BRF1: variants seen among roughly 807,000 people sequenced by gnomAD.
BRF1 encodes the protein BRF1 general transcription factor IIIB subunit, also known as transcription factor IIIB 90 kDa subunit.
BRF1 carries 59 observed loss-of-function variants against 81.7 expected under a neutral mutation model. The observed-to-expected ratio is 0.72, with a 90% CI of 0.59 to 0.90. BRF1 has a LOEUF of 0.90. BRF1 is among the 40% of genes least tolerant of loss of function. The pLI is 0.00. For synonymous variants in BRF1, 491 were observed against 395.6 expected (o/e 1.24, Z -2.86); for missense variants, 1,050 against 936.3 (o/e 1.12, Z -1.58).
intron 14 of BRF1, among the ~76,000 whole-genome samples, chr14:105,218,037 G>C (rs927517761): frequency 2.0e-5 from 3 of 152,204 alleles, no homozygotes; most frequent in Non-Finnish European, 4.4e-5. Context: ...GGTGCTGGCA[G>C]GGCCTCCAGA....
chr14:105,308,036 T>C (rs1190708783), intron 1 of BRF1, among the ~76,000 whole-genome samples: 1 of 150,038 alleles, frequency 6.7e-6, no homozygotes. Flanking sequence ...ATTTAAAAAT[T>C]AGCTGTGCGT....
chr14:105,214,619 G>C (rs1179382272), intron 15 of BRF1, among the ~76,000 whole-genome samples: 1 of 152,010 alleles, frequency 6.6e-6, no homozygotes, highest in Non-Finnish European at 1.5e-5. Context: ...AGGACCAGGG[G>C]CAGGTGGCCA....
intron 11 of BRF1, among the ~76,000 whole-genome samples, chr14:105,220,413 C>T (rs1026269466): frequency 2.6e-5 from 4 of 152,190 alleles, no homozygotes; most frequent in African/African-American, 7.2e-5. Flanking sequence ...TTTTTAAGAA[C>T]AGGAGACAGA....
chr14:105,248,511 T>A (rs587742730), intron 5 of BRF1: 11 of 967,478 alleles, frequency 1.1e-5, no homozygotes, highest in African/African-American at 5.7e-5. Flanking sequence ...GGCAGCGACG[T>A]CGCGCGGGGC....
rs1431352486 is a variant in BRF1, at chr14:105,228,767, T to A, written c.788+53A>T. The A allele has an allele frequency of 3.8e-6, 6 of 1,599,102 alleles. No individual in the cohort carries two copies. The African/African-American group carries it at 6.7e-5, about 18-fold the overall frequency. On this transcript the variant is annotated intron_variant, in intron 7 of 17. Coordinates refer to ENST00000547530, the MANE Select transcript of BRF1 (RefSeq NM_001519.4). ...CCTGCTCTGGCAAGCAGGCCTGAGC[T>A]GGACTGATGAAGCCTCTGTGTGGTC...
At chr14:105,252,270 T>G in intron 5 of BRF1, 1 of 682,724 alleles carries the variant, frequency 1.5e-6, no homozygotes, top group Non-Finnish European at 1.8e-6. Flanking sequence ...AGGCCAGGAG[T>G]TTGAGGCTGC....
chr14:105,284,871 C>T lies in BRF1; in HGVS notation c.265+1425G>A, dbSNP rs1295860684. 4.6e-5 allele frequency among the ~76,000 whole-genome samples: 7 copies of T among 152,078 alleles called. No homozygotes were observed. Among genetic ancestry groups the T allele is most frequent in the Non-Finnish European group, 8.8e-5 (6 of 68,028 alleles). On this transcript the variant is annotated intron_variant, in intron 2 of 17. Transcript: ENST00000547530. This position sits in a 1 kb window ranked among gnomAD's most constrained non-coding sequence, Gnocchi z 4.0. ...CTTGTACCGAAAATCCTAAGTGATC[C>T]GCTAAAAAACTATTCAGCATAAAAA... is the stretch of plus-strand genomic sequence containing the variant.
intron 10 of BRF1, among the ~76,000 whole-genome samples, chr14:105,224,970 G>C (rs1299081198): frequency 1.3e-5 from 2 of 152,242 alleles, no homozygotes; most frequent in Non-Finnish European, 2.9e-5. Flanking sequence ...CTGATCCCCA[G>C]AGAGCAGCTG....
chr14:105,315,242 AC>A lies in BRF1; in HGVS notation c.-162+79del, dbSNP rs1373373129. On this transcript the variant is annotated intron_variant, in intron 1 of 17. Transcript: ENST00000327359. The surrounding 1 kb of genome is among the most constrained non-coding windows in gnomAD (Gnocchi z 4.4). ...GGCCCCAGCCCCCCAGGTCCCGAGC[AC>A]CGGGGGCCGCGCTCAGCTTCCGAGG... The A allele has an allele frequency of 5.6e-6, 1 of 178,022 alleles. No individual in the cohort carries two copies. Among genetic ancestry groups the A allele is most frequent in the African/African-American group, 2.4e-5 (1 of 41,888 alleles). 11.0% of individuals were successfully genotyped at this position (178,022 alleles called of 1,614,324 possible). A position where few individuals can be genotyped will look rare whatever the true frequency, so the allele number is the denominator to read the frequency against.
At chr14:105,226,975 A>C in intron 7 of BRF1, 1 of 560,298 alleles carries the variant, frequency 1.8e-6, no homozygotes, top group Non-Finnish European at 3.0e-6. Context: ...TTAGCCACGC[A>C]TGGTGGTACA....
chr14:105,289,722 G>A (rs1306147935), intron 1 of BRF1, among the ~76,000 whole-genome samples: 5 of 151,974 alleles, frequency 3.3e-5, no homozygotes, highest in African/African-American at 4.8e-5. Flanking sequence ...TGCAACCTCC[G>A]CCTCCCGGAT....
chr14:105,256,717 G>A (rs587646444), intron 3 of BRF1, among the ~76,000 whole-genome samples, 168 bp from the exon 4 acceptor site: 6 of 152,296 alleles, frequency 3.9e-5, no homozygotes, highest in East Asian at 1.9e-4. Flanking sequence ...AGCGAGGCGC[G>A]GCACGCTCAG....
At chr14:105,253,040 C>G (rs768994547) in intron 4 of BRF1, among the ~76,000 whole-genome samples, 2 of 152,254 alleles carry the variant, frequency 1.3e-5, no homozygotes, top group Non-Finnish European at 2.9e-5. Flanking sequence ...CCCTGCCCCC[C>G]ACACTGTTCC....
At chr14:105,283,450 CAAGAG>C (rs1006595045) in intron 2 of BRF1, among the ~76,000 whole-genome samples, 24 of 152,234 alleles carry the variant, frequency 1.6e-4, no homozygotes, top group Admixed American at 1.6e-3. Context: ...CAGTAAGACT[CAAGAG>C]GGGTGGGGGC....
Position 105,256,510 on chromosome 14 carries a change from C to T in BRF1, c.471+8G>A, listed in dbSNP as rs1482045755. 1 of 1,614,026 alleles carries T rather than the reference C, an allele frequency of 6.2e-7. No homozygotes were observed. The highest frequency in any genetic ancestry group is 1.7e-5 in the Admixed American group (1 of 60,002). ...GGTGGGGAAAGATGCAGGACGGAGG[C>T]TGTCTACCTGGAGCAGGTCGCTGAG... On this transcript the variant is annotated splice_region_variant and intron_variant, in intron 4 of 17. Coordinates refer to ENST00000547530, the MANE Select transcript of BRF1 (RefSeq NM_001519.4).
intron 15 of BRF1, chr14:105,217,216 G>A: frequency 2.1e-6 from 1 of 465,766 alleles, no homozygotes; most frequent in Middle Eastern, 5.8e-4. Context: ...GCAGGGCTGG[G>A]GACTCTTCTT....
chr14:105,279,402 T>C (rs960396310), intron 2 of BRF1, among the ~76,000 whole-genome samples: 4 of 152,066 alleles, frequency 2.6e-5, no homozygotes, highest in Admixed American at 6.5e-5. Context: ...AAGACGCCAA[T>C]AGGCACTTCA....
rs1014130160 is a variant in BRF1 at position 105,209,991 on chromosome 14, C to T, written c.*560G>A. On this transcript the variant is annotated 3_prime_UTR_variant, in exon 18 of 18. Coordinates refer to ENST00000547530, the MANE Select transcript of BRF1 (RefSeq NM_001519.4). ...CTGGATGCAGGGCCACAGCTGGAGGCAGAGGACCTTCAAGGAGCTGCTGCC... is the reference window on the plus strand; with the variant it reads ...CTGGATGCAGGGCCACAGCTGGAGGTAGAGGACCTTCAAGGAGCTGCTGCC... The T allele has an allele frequency of 2.2e-5, 6 of 276,274 alleles. No individual in the cohort carries two copies. Among genetic ancestry groups the T allele is most frequent in the African/African-American group, 1.1e-4 (5 of 45,264 alleles). 17.1% of individuals were successfully genotyped at this position (276,274 alleles called of 1,614,324 possible).
chr14:105,241,424 A>C lies in BRF1; in HGVS notation c.545-10T>G. 1 of 1,610,356 alleles carries C rather than the reference A, an allele frequency of 6.2e-7. No homozygotes were observed. The highest frequency in any genetic ancestry group is 8.5e-7 in the Non-Finnish European group (1 of 1,179,836). ...ATATACAGGCACGGGTCTGCGGCAG[A>C]CACAGCACCTCAGTGCCCACCTCCA... On this transcript the variant is annotated splice_polypyrimidine_tract_variant and intron_variant, in intron 5 of 17. Coordinates refer to ENST00000547530, the MANE Select transcript of BRF1 (RefSeq NM_001519.4).
Sources: gnomAD v4.1 joint callset for allele counts (sites outside exome capture counted in the v4.1 genomes callset) on GRCh38, gnomAD v4.1.1 for gene constraint, Gnocchi (gnomAD v3.1) non-coding constraint, MANE v1.5 for transcripts, NCBI Gene and HGNC (gene_info 2026-07-23, HGNC 2026-07-21) for gene names.